MYO1E: variants seen among roughly 807,000 people sequenced by gnomAD.
The protein encoded by MYO1E is unconventional myosin-Ie.
In MYO1E, 68 loss-of-function variants were observed where a neutral mutation model predicts 151.1. The ratio of observed to expected loss-of-function variants is 0.45; its 90% confidence interval spans 0.37 to 0.55. The LOEUF (loss-of-function observed/expected upper bound fraction) is 0.55, where lower values mean the gene tolerates loss of function less well. Ranked by LOEUF, MYO1E falls within the 20% of genes least tolerant of loss-of-function variation. MYO1E has a pLI of 0.00. For synonymous variants in MYO1E, 601 were observed against 501.7 expected (o/e 1.20, Z -2.64); for missense variants, 1,363 against 1,389.3 (o/e 0.98, Z 0.30).
intron 1 of MYO1E, among the ~76,000 whole-genome samples, chr15:59,329,209 T>C (rs962622340): frequency 1.3e-5 from 2 of 152,228 alleles, no homozygotes; most frequent in Non-Finnish European, 2.9e-5. Context: ...AGCTCCTCCA[T>C]GGAGCTTACA....
intron 16 of MYO1E, among the ~76,000 whole-genome samples, chr15:59,198,138 T>C (rs1247927125): frequency 6.6e-6 from 1 of 152,204 alleles, no homozygotes; most frequent in Non-Finnish European, 1.5e-5. Context: ...AGTGCTGAGA[T>C]TACAGGTGTG....
At position 59,137,151 on chromosome 15, in the gene MYO1E, G is replaced by A. The variant is rs1321668988; in HGVS notation, c.*229C>T. ...ATAAATCTTAATGCATGGTGGTTTT[G>A]TCCTCCTGGGTTCCTATGAAGAGGC... On this transcript the variant is annotated 3_prime_UTR_variant, in exon 28 of 28. Transcript: ENST00000288235. The A allele has an allele frequency of 3.5e-6, 2 of 573,044 alleles. No homozygotes were observed. Among genetic ancestry groups the A allele is most frequent in the East Asian group, 5.9e-5 (2 of 33,934 alleles). The allele number at this position is 573,044 out of a possible 1,614,324, so 35.5% of individuals were successfully genotyped here. A position where few individuals can be genotyped will look rare whatever the true frequency, so the allele number is the denominator to read the frequency against.
chr15:59,175,504 C>T (rs941978210), intron 19 of MYO1E, among the ~76,000 whole-genome samples: 3 of 152,118 alleles, frequency 2.0e-5, no homozygotes, highest in Non-Finnish European at 4.4e-5. Flanking sequence ...GCAGAAACAA[C>T]AACTCAAACT....
chr15:59,172,186 G>A lies in MYO1E; in HGVS notation c.2335-144C>T, dbSNP rs896978016. On this transcript the variant is annotated intron_variant, in intron 21 of 27. Coordinates refer to ENST00000288235, the MANE Select transcript of MYO1E (RefSeq NM_004998.4). ...AGCCTGACCAACATGGTGAAACCCC[G>A]TCTCTACTGAAAATACAAAAATTAG... 9.9e-5 allele frequency: 91 copies of A among 920,736 alleles called. 1 individual carries two copies. The highest frequency in any genetic ancestry group is 9.5e-5 in the Non-Finnish European group (57 of 597,756). 57.0% of individuals were successfully genotyped at this position (920,736 alleles called of 1,614,324 possible). A position where few individuals can be genotyped will look rare whatever the true frequency, so the allele number is the denominator to read the frequency against.
intron 10 of MYO1E, among the ~76,000 whole-genome samples, chr15:59,216,695 C>T (rs200768048): frequency 1.6e-3 from 28 of 17,690 alleles, no homozygotes; most frequent in East Asian, 4.6e-3. Context: ...TACACATACA[C>T]ACACACACAC....
intron 23 of MYO1E, 115 bp downstream of exon 23, chr15:59,163,042 C>A: frequency 8.0e-7 from 1 of 1,244,746 alleles, no homozygotes; most frequent in East Asian, 2.5e-5. Context: ...TGGGGCCAGC[C>A]AGACCCCACT....
chr15:59,263,389 C>T (rs77705666), intron 2 of MYO1E, among the ~76,000 whole-genome samples: 1,535 of 152,246 alleles, frequency 0.01, 27 homozygotes, highest in African/African-American at 0.035. Context: ...TCCTCTAAGG[C>T]ACATGTTTTA....
chr15:59,345,621 C>T (rs66991143), intron 1 of MYO1E, among the ~76,000 whole-genome samples: 20,332 of 152,208 alleles, frequency 0.13, 1,529 homozygotes, highest in East Asian at 0.29. Context: ...TTTTATACTT[C>T]CTGTGATACA....
At chr15:59,211,862 T>A (rs2079881283) in intron 12 of MYO1E, among the ~76,000 whole-genome samples, 1 of 152,110 alleles carries the variant, frequency 6.6e-6, no homozygotes, top group South Asian at 2.1e-4. Flanking sequence ...GTCTCTACCA[T>A]GTCTAGCGCA....
Position 59,175,007 on chromosome 15 carries a change from G to A in MYO1E, c.2050-767C>T, listed in dbSNP as rs553085554. ...TGACAGCAAACAGCTGTAGTGAGCCGAGTGCCCACTATGGGGCAGAAGTCA... is the reference window on the plus strand; with the variant it reads ...TGACAGCAAACAGCTGTAGTGAGCCAAGTGCCCACTATGGGGCAGAAGTCA... On this transcript the variant is annotated intron_variant, in intron 19 of 27. Transcript: ENST00000288235. Among the ~76,000 whole-genome samples the A allele has an allele frequency of 1.2e-4, 19 of 152,240 alleles. No homozygotes were observed. In the South Asian group the frequency reaches 2.9e-3, roughly 23 times the overall value.
chr15:59,218,187 G>A (rs1411221634), intron 9 of MYO1E, 100 bp from the exon 10 acceptor site: 4 of 1,394,594 alleles, frequency 2.9e-6, no homozygotes, highest in Admixed American at 1.8e-5. Context: ...ATGCACGTGT[G>A]TGTGCATAGA....
intron 26 of MYO1E, among the ~76,000 whole-genome samples, chr15:59,139,230 C>T (rs371941866): frequency 1.3e-5 from 2 of 151,484 alleles, no homozygotes; most frequent in East Asian, 3.9e-4. Context: ...AGACTTCCCT[C>T]CCATCCCTCA....
intron 1 of MYO1E, among the ~76,000 whole-genome samples, chr15:59,282,373 G>C (rs906201767): frequency 6.6e-6 from 1 of 152,170 alleles, no homozygotes; most frequent in Non-Finnish European, 1.5e-5. Flanking sequence ...CATGTCAGTA[G>C]TCCCCAGGGT....
At chr15:59,257,723 G>T (rs138846238) in intron 3 of MYO1E, among the ~76,000 whole-genome samples, 1,673 of 152,136 alleles carry the variant, frequency 0.011, 34 homozygotes, top group African/African-American at 0.036. Context: ...GGGCTCATAG[G>T]GGGAGCTACC....
chr15:59,172,612 A>G (rs1343663861), intron 21 of MYO1E, among the ~76,000 whole-genome samples: 2 of 152,224 alleles, frequency 1.3e-5, no homozygotes, highest in Admixed American at 6.5e-5. Flanking sequence ...GTCACTTCAC[A>G]TATCAGGACA....
At chr15:59,339,884 G>A (rs1370648676) in intron 1 of MYO1E, among the ~76,000 whole-genome samples, 2 of 140,752 alleles carry the variant, frequency 1.4e-5, no homozygotes, top group African/African-American at 5.4e-5. Flanking sequence ...GTCTTGCTCT[G>A]TCGCCTAGCC....
rs537289406 is a variant in MYO1E at position 59,210,711 on chromosome 15, T to C, written c.1276-111A>G. 1,109 of 742,444 alleles carry C rather than the reference T, an allele frequency of 1.5e-3. 7 individuals are homozygous for C. Among genetic ancestry groups the C allele is most frequent in the Middle Eastern group, 4.4e-3 (19 of 4,282 alleles). 46.0% of individuals were successfully genotyped at this position (742,444 alleles called of 1,614,324 possible). ...ATAAAAGAGAAAAACCTGAATGTCCTGCAACAAAGACCAGGGACTTTAATT... is the reference window on the plus strand; with the variant it reads ...ATAAAAGAGAAAAACCTGAATGTCCCGCAACAAAGACCAGGGACTTTAATT... On this transcript the variant is annotated intron_variant, in intron 12 of 27. Transcript: ENST00000288235.
At chr15:59,169,446 C>G (rs1216762802) in intron 22 of MYO1E, among the ~76,000 whole-genome samples, 1 of 152,194 alleles carries the variant, frequency 6.6e-6, no homozygotes, top group Non-Finnish European at 1.5e-5. Context: ...TAACTTGGTT[C>G]TGATTACTGG....
At position 59,236,363 on chromosome 15, in the gene MYO1E, A is replaced by ATATAT. The variant is rs1555413419; in HGVS notation, c.420+221_420+222insATATA. On this transcript the variant is annotated intron_variant, in intron 5 of 27. Coordinates refer to ENST00000288235, the MANE Select transcript of MYO1E (RefSeq NM_004998.4). The stretch of plus-strand genomic sequence containing the variant: ...TCTGTCTCAAAAAAGAAAAAAAAAA[A>ATATAT]ATATATACACACACACACACACACA... 2.3e-3 allele frequency among the ~76,000 whole-genome samples: 142 copies of ATATAT among 60,810 alleles called. 3 individuals are homozygous for ATATAT. Among genetic ancestry groups the ATATAT allele is most frequent in the South Asian group, 0.019 (24 of 1,282 alleles). The allele number at this position is 60,810 out of a possible 152,430, so 39.9% of individuals were successfully genotyped here.
Sources: gnomAD v4.1 joint callset for allele counts (sites outside exome capture counted in the v4.1 genomes callset) on GRCh38, gnomAD v4.1.1 for gene constraint, MANE v1.5 for transcripts, NCBI Gene and HGNC (gene_info 2026-07-23, HGNC 2026-07-21) for gene names.